Variants in PLEKHH3 observed in about 807,000 individuals in gnomAD.
PLEKHH3 encodes the protein pleckstrin homology, MyTH4 and FERM domain containing H3, also known as pleckstrin homology domain-containing family H member 3.
In PLEKHH3, 57 loss-of-function variants were observed where a neutral mutation model predicts 77.8. That is an observed-to-expected ratio of 0.73 (90% CI 0.59 to 0.91). PLEKHH3 has a LOEUF of 0.91. PLEKHH3 is among the 40% of genes least tolerant of loss of function. The pLI is 0.00. For missense variants in PLEKHH3, 1,082 were observed against 1,091.2 expected (o/e 0.99, Z 0.12); for synonymous variants, 467 against 504.8 (o/e 0.93, Z 1.00).
At chr17:42,674,201 C>T (rs1458791322) in intron 2 of PLEKHH3, among the ~76,000 whole-genome samples, 153 bp downstream of exon 2, 1 of 152,200 alleles carries the variant, frequency 6.6e-6, no homozygotes, top group Non-Finnish European at 1.5e-5. Context: ...CCCCGCGCCC[C>T]CAGCCGGACC....
intron 11 of PLEKHH3, 142 bp from the exon 12 acceptor site, chr17:42,669,763 G>T (rs1169788279): frequency 6.7e-7 from 1 of 1,483,620 alleles, no homozygotes; most frequent in East Asian, 2.5e-5. Context: ...AGGCTCCAGG[G>T]ATGTGAGGGC....
chr17:42,668,152 C>G lies in PLEKHH3; in HGVS notation c.2357G>C (p.Gly786Ala). The G allele has an allele frequency of 6.8e-7, 1 of 1,474,772 alleles. No individual in the cohort carries two copies. The highest frequency in any genetic ancestry group is 2.7e-5 in the Admixed American group (1 of 36,388). The allele number at this position is 1,474,772 out of a possible 1,614,324, so 91.4% of individuals were successfully genotyped here. ...PGLDEPQGQS[G>A]CLGQLQD ...TCAGTCCTGCAGCTGCCCCAAGCAGCCAGACTGTCCCTGGGGCTCGTCCAG... is the reference window on the plus strand; with the variant it reads ...TCAGTCCTGCAGCTGCCCCAAGCAGGCAGACTGTCCCTGGGGCTCGTCCAG... Residue 786 changes from glycine to alanine, a missense_variant, in exon 13 of 13, where the codon GGC becomes GCC. Gly to Ala is a moderately conservative substitution (Grantham distance 60). This residue lies in a region of PLEKHH3 where 733 missense variants were observed against 750.0 expected (regional missense o/e 0.98). Transcript: ENST00000591022.
In PLEKHH3 at chr17:42,676,365, AGT is replaced by A; in HGVS notation, c.162+35_162+36del. On this transcript the variant is annotated intron_variant, in intron 1 of 12. Transcript: ENST00000591022. This position sits in a 1 kb window ranked among gnomAD's most constrained non-coding sequence, Gnocchi z 6.6. ...CAGCGTGACGGCCGGTTACAGCGAG[AGT>A]GATTGAGACGAGGCTCCGAACCCCC... The A allele has an allele frequency of 6.2e-7, 1 of 1,609,698 alleles. No individual in the cohort carries two copies. The highest frequency in any genetic ancestry group is 8.5e-7 in the Non-Finnish European group (1 of 1,177,840).
In PLEKHH3 at chr17:42,676,717, G is replaced by C; in HGVS notation, c.-154C>G. The C allele has an allele frequency of 2.7e-6, 2 of 732,884 alleles. No individual in the cohort carries two copies. The highest frequency in any genetic ancestry group is 4.5e-6 in the Non-Finnish European group (2 of 443,322). 45.4% of individuals were successfully genotyped at this position (732,884 alleles called of 1,614,324 possible). On this transcript the variant is annotated 5_prime_UTR_variant, in exon 1 of 13. Coordinates refer to ENST00000591022, the MANE Select transcript of PLEKHH3 (RefSeq NM_024927.5). The surrounding 1 kb of genome is among the most constrained non-coding windows in gnomAD (Gnocchi z 6.6). ...AGGGAGGAGGCAGTGTCCTGGGCTG[G>C]GGTGCAAGGGGACGCTAGCCAGACG...
At position 42,673,773 on chromosome 17, in the gene PLEKHH3, G is replaced by A. The variant is rs781689594; in HGVS notation, c.360C>T (p.Ala120=). The A allele has an allele frequency of 1.0e-5, 16 of 1,594,724 alleles. No individual in the cohort carries two copies. Among genetic ancestry groups the A allele is most frequent in the Non-Finnish European group, 1.4e-5 (16 of 1,176,986 alleles). Residue 120 remains alanine, a synonymous_variant, in exon 4 of 13, where the codon GCC becomes GCT. Transcript: ENST00000591022. ...GARPWLPPRR[A]WFVLTRDSLD... The stretch of plus-strand genomic sequence containing the variant: ...GGGAGTCCCGCGTGAGCACAAACCA[G>A]GCTCGGCGCGGGGGCAGCCAGGGCC...
At position 42,670,664 on chromosome 17, in the gene PLEKHH3, G is replaced by A. The variant is rs1227815984; in HGVS notation, c.1463C>T (p.Ser488Phe). The A allele has an allele frequency of 6.2e-7, 1 of 1,612,994 alleles. No homozygotes were observed. Among genetic ancestry groups the A allele is most frequent in the African/African-American group, 1.3e-5 (1 of 74,950 alleles). Residue 488 changes from serine to phenylalanine, a missense_variant, in exon 10 of 13, where the codon TCC becomes TTC. By Grantham distance (155) the Ser-to-Phe change is radical (BLOSUM62 -2). Coordinates refer to ENST00000591022, the MANE Select transcript of PLEKHH3 (RefSeq NM_024927.5). ...AAGACGCAGACATAGTCTCCACCCG[G>A]AGTCGGGCGAGTCCTCCAACCCAGC... ...EEAGLEDSPD[S>F]GWRLCLRLHG...
chr17:42,670,928 T>A, intron 9 of PLEKHH3, 66 bp downstream of exon 9: 1 of 1,578,588 alleles, frequency 6.3e-7, no homozygotes, highest in Non-Finnish European at 8.6e-7. Context: ...AATGTCCGCT[T>A]AGAGACTGAC....
At chr17:42,674,115 A>G in intron 2 of PLEKHH3, 102 bp from the exon 3 acceptor site, 1 of 1,291,764 alleles carries the variant, frequency 7.7e-7, no homozygotes. Context: ...CAAGCTGGGC[A>G]CCCCTCCCCC....
rs1450519579 is a variant in PLEKHH3 at position 42,671,204 on chromosome 17, G to A, written c.1285-74C>T. On this transcript the variant is annotated intron_variant, in intron 8 of 12. Coordinates refer to ENST00000591022, the MANE Select transcript of PLEKHH3 (RefSeq NM_024927.5). The surrounding 1 kb of genome is among the most constrained non-coding windows in gnomAD (Gnocchi z 4.7). ...CTGGGAGGGGTTGATTCAATTGGAA[G>A]GGGTCTCTTAGTCCTGTCACCACCA... The A allele has an allele frequency of 6.6e-7, 1 of 1,526,692 alleles. No individual in the cohort carries two copies. The highest frequency in any genetic ancestry group is 1.4e-5 in the African/African-American group (1 of 72,366). The allele number at this position is 1,526,692 out of a possible 1,614,324, so 94.6% of individuals were successfully genotyped here.
At position 42,673,631 on chromosome 17, in the gene PLEKHH3, AG is replaced by A; in HGVS notation, c.490+11del. On this transcript the variant is annotated intron_variant, in intron 4 of 12. Coordinates refer to ENST00000591022, the MANE Select transcript of PLEKHH3 (RefSeq NM_024927.5). Reference sequence around the variant, plus strand: ...TGCCTAGGAAGGTAGGAGAGTCCCCAGGAGGTCTCACCTGTCTCCTTACGCC... The same window carrying A: ...TGCCTAGGAAGGTAGGAGAGTCCCCAGAGGTCTCACCTGTCTCCTTACGCC... 4 of 1,601,678 alleles carry A rather than the reference AG, an allele frequency of 2.5e-6. No individual in the cohort carries two copies. Among genetic ancestry groups the A allele is most frequent in the Non-Finnish European group, 3.4e-6 (4 of 1,178,930 alleles).
rs1258105672 is a variant in PLEKHH3, at chr17:42,672,204, CG to C, written c.957del (p.Leu321SerfsTer19). 4 of 1,551,126 alleles carry C rather than the reference CG, an allele frequency of 2.6e-6. No homozygotes were observed. Among genetic ancestry groups the C allele is most frequent in the African/African-American group, 2.7e-5 (2 of 73,194 alleles). Reference protein sequence around the residue: ...AKQTSGPAGPPGLPATQDPAA... With the variant: ...AKQTSGPAGPXGLPATQDPAA... ...GCAGGGTCTTGGGTAGCCGGGAGCC[CG>C]GGGGGACCTGCAGGGCCCGAGGTCT... is the stretch of plus-strand genomic sequence containing the variant. On this transcript the variant is annotated frameshift_variant, in exon 7 of 13. Coordinates refer to ENST00000591022, the MANE Select transcript of PLEKHH3 (RefSeq NM_024927.5). LOFTEE classifies it high-confidence loss of function.
In PLEKHH3 at chr17:42,672,368, T is replaced by C; in HGVS notation, c.794A>G (p.Glu265Gly). 6.5e-7 allele frequency: 1 copy of C among 1,536,780 alleles called. No homozygotes were observed. The highest frequency in any genetic ancestry group is 8.7e-7 in the Non-Finnish European group (1 of 1,143,396). Residue 265 changes from glutamate (E) to glycine (G), a missense_variant, in exon 7 of 13, where the codon GAG (glutamate) becomes GGG (glycine). Glu to Gly is a moderately conservative substitution (Grantham distance 98). Coordinates refer to ENST00000591022, the MANE Select transcript of PLEKHH3 (RefSeq NM_024927.5). ...CGCCAAGAACAGCCGCACCGCCTCC[T>C]CGCGCAGGGGTGCATAGCCCGGACC... ...APGPGYAPLR[E>G]EAVRLFLALQ...
In PLEKHH3 at chr17:42,670,345, G is replaced by T; in HGVS notation, c.1586C>A (p.Pro529His). The change falls in exon 11 of 13, where the codon CCC (proline) becomes CAC (histidine). Residue 529 changes from proline (P) to histidine (H), a missense_variant. Physicochemically the swap from Pro to His is moderately conservative, Grantham distance 77 (BLOSUM62 -2). Transcript: ENST00000591022. The stretch of plus-strand genomic sequence containing the variant: ...GGCGCGCAGCGTGTCGTCGGGTGGG[G>T]GCGGCCGGCCCCGCAGCAGCAGAGC... ...AHALLLRGRP[P>H]PPDDTLRALA... The T allele has an allele frequency of 7.1e-7, 1 of 1,401,790 alleles. No individual in the cohort carries two copies. Among genetic ancestry groups the T allele is most frequent in the Non-Finnish European group, 9.2e-7 (1 of 1,086,272 alleles). 86.8% of individuals were successfully genotyped at this position (1,401,790 alleles called of 1,614,324 possible). A position where few individuals can be genotyped will look rare whatever the true frequency, so the allele number is the denominator to read the frequency against.
intron 6 of PLEKHH3, among the ~76,000 whole-genome samples, chr17:42,672,919 G>T (rs11869667): frequency 0.026 from 3,998 of 152,184 alleles, 164 homozygotes; most frequent in African/African-American, 0.085. Context: ...AAAAATAGGG[G>T]AGTGTACAAA....
chr17:42,670,485 T>G, intron 10 of PLEKHH3, 88 bp downstream of exon 10: 2 of 1,528,684 alleles, frequency 1.3e-6, no homozygotes, highest in Non-Finnish European at 1.8e-6. Context: ...CCCGCGGGGC[T>G]GCCATAGTGA....
At chr17:42,670,760 G>T in intron 9 of PLEKHH3, 55 bp from the exon 10 acceptor site, 2 of 1,576,054 alleles carry the variant, frequency 1.3e-6, no homozygotes, top group Non-Finnish European at 1.7e-6. Flanking sequence ...CTACGGCGAG[G>T]GCAGCTTGGG....
chr17:42,675,953 C>G (rs2052815334), intron 1 of PLEKHH3: 9 of 1,035,552 alleles, frequency 8.7e-6, no homozygotes, highest in Admixed American at 5.3e-5. Context: ...ATGACTTCTC[C>G]CCCTCGTCCA....
At chr17:42,674,264 A>T in intron 2 of PLEKHH3, 90 bp downstream of exon 2, 1 of 1,427,058 alleles carries the variant, frequency 7.0e-7, no homozygotes, top group Non-Finnish European at 9.5e-7. Context: ...CCTCTCCCTT[A>T]TTGCACAACC....
chr17:42,670,982 C>T lies in PLEKHH3; in HGVS notation c.1421+12G>A. 1 of 1,608,568 alleles carries T rather than the reference C, an allele frequency of 6.2e-7. No homozygotes were observed. The highest frequency in any genetic ancestry group is 8.5e-7 in the Non-Finnish European group (1 of 1,178,564). ...GGGCTAATAGAGAGCAGGGCTGGGG[C>T]TGGACATTTACTTCTCAAACCTGGT... On this transcript the variant is annotated intron_variant, in intron 9 of 12. Coordinates refer to ENST00000591022, the MANE Select transcript of PLEKHH3 (RefSeq NM_024927.5).
Sources: gnomAD v4.1 joint callset for allele counts (sites outside exome capture counted in the v4.1 genomes callset) on GRCh38, gnomAD v4.1.1 for gene constraint, gnomAD v4.1.1 regional missense constraint, Gnocchi (gnomAD v3.1) non-coding constraint, MANE v1.5 for transcripts, NCBI Gene and HGNC (gene_info 2026-07-23, HGNC 2026-07-21) for gene names.